ROBO1: variants seen among roughly 807,000 people sequenced by gnomAD.
ROBO1 encodes roundabout homolog 1.
Under a neutral mutation model 195.9 loss-of-function variants are expected in ROBO1, and 149 were observed. The ratio of observed to expected loss-of-function variants is 0.76; its 90% CI spans 0.67 to 0.87. ROBO1 has a LOEUF of 0.87. Among genes scored for constraint, ROBO1 ranks in the 40% least tolerant of loss-of-function variants. ROBO1 has a pLI of 0.00. For synonymous variants in ROBO1, 816 were observed against 733.2 expected (o/e 1.11, Z -1.82); for missense variants, 1,933 against 2,068.3 (o/e 0.93, Z 1.27).
intron 1 of ROBO1, among the ~76,000 whole-genome samples, chr3:79,596,350 G>A (rs1944169580): frequency 6.6e-6 from 1 of 152,006 alleles, no homozygotes; most frequent in Non-Finnish European, 1.5e-5. Context: ...AAATAAAGGG[G>A]ATTAAGTTGG....
chr3:79,316,680 TAAGA>T (rs2033751256), intron 2 of ROBO1, among the ~76,000 whole-genome samples: 1 of 152,116 alleles, frequency 6.6e-6, no homozygotes, highest in Non-Finnish European at 1.5e-5. Flanking sequence ...GTAAATGGGT[TAAGA>T]AAAATATAAT....
chr3:78,765,445 A>G (rs2083206881), intron 4 of ROBO1, among the ~76,000 whole-genome samples: 1 of 152,130 alleles, frequency 6.6e-6, no homozygotes, highest in African/African-American at 2.4e-5. Context: ...CAACATATAT[A>G]GCAACCTCAG....
intron 3 of ROBO1, among the ~76,000 whole-genome samples, chr3:79,080,293 C>T (rs2108459818): frequency 6.6e-6 from 1 of 151,760 alleles, no homozygotes; most frequent in Non-Finnish European, 1.5e-5. Context: ...TTTAGTAATT[C>T]ACTACTCATA....
intron 2 of ROBO1, among the ~76,000 whole-genome samples, chr3:79,373,477 G>A (rs2109346103): frequency 6.6e-6 from 1 of 152,250 alleles, no homozygotes; most frequent in Admixed American, 6.5e-5. Flanking sequence ...CTTCACAAAT[G>A]TTTCTCTATT....
chr3:78,783,036 G>A (rs932155058), intron 4 of ROBO1, among the ~76,000 whole-genome samples: 2 of 152,060 alleles, frequency 1.3e-5, no homozygotes, highest in African/African-American at 2.4e-5. Context: ...AAAGAACAAA[G>A]GAATAATAGA....
In ROBO1 at chr3:78,962,485, T is replaced by C. The variant is rs1420646232; in HGVS notation, c.173-23558A>G. Among the ~76,000 whole-genome samples, 3 of 150,452 alleles carry C rather than the reference T, an allele frequency of 2.0e-5. 1 individual carries two copies. The highest frequency in any genetic ancestry group is 4.2e-4 in the South Asian group (2 of 4,782). On this transcript the variant is annotated intron_variant, in intron 3 of 30. Transcript: ENST00000464233. ...AAACTGTAAACTCCGGGGTCTGCCA[T>C]CCTTCCCTGGTACTGTCAGAGAACA...
At chr3:78,931,040 C>CA (rs2039494489) in intron 4 of ROBO1, among the ~76,000 whole-genome samples, 1 of 152,012 alleles carries the variant, frequency 6.6e-6, no homozygotes, top group Non-Finnish European at 1.5e-5. Flanking sequence ...TCTCACCTCC[C>CA]ATTGTCCTGG....
chr3:79,535,380 A>ATG (rs1941817693), intron 2 of ROBO1, among the ~76,000 whole-genome samples: 1 of 152,170 alleles, frequency 6.6e-6, no homozygotes, highest in South Asian at 2.1e-4. Flanking sequence ...CAATTAGGAC[A>ATG]CCATTTTTTA....
chr3:79,673,265 T>A (rs1946682607), intron 1 of ROBO1, among the ~76,000 whole-genome samples: 1 of 151,962 alleles, frequency 6.6e-6, no homozygotes, highest in Non-Finnish European at 1.5e-5. Context: ...CAGTAACAAT[T>A]TTTATAAATT....
chr3:78,912,476 T>A (rs1437111269), intron 4 of ROBO1, among the ~76,000 whole-genome samples: 1 of 152,118 alleles, frequency 6.6e-6, no homozygotes, highest in Non-Finnish European at 1.5e-5. Flanking sequence ...TGTACCCATA[T>A]GTCCTTTAAT....
chr3:78,662,755 G>C (rs1451054247), intron 14 of ROBO1, among the ~76,000 whole-genome samples: 4 of 152,116 alleles, frequency 2.6e-5, no homozygotes, highest in Non-Finnish European at 5.9e-5. Flanking sequence ...TTTAATTGAT[G>C]ATCCTTTAGT....
intron 2 of ROBO1, among the ~76,000 whole-genome samples, chr3:79,416,335 A>T (rs937814483): frequency 6.6e-6 from 1 of 151,556 alleles, no homozygotes; most frequent in Non-Finnish European, 1.5e-5. Flanking sequence ...GCAGGGTGCT[A>T]TGTCGCATGC....
At chr3:78,860,841 A>T (rs1320301075) in intron 4 of ROBO1, among the ~76,000 whole-genome samples, 1 of 152,108 alleles carries the variant, frequency 6.6e-6, no homozygotes, top group Non-Finnish European at 1.5e-5. Flanking sequence ...CCGAAATTCT[A>T]TCTTCAGTTA....
rs1427906564 is a variant in ROBO1, at chr3:79,587,537, G to A, written c.88+2287C>T. 2.0e-5 allele frequency among the ~76,000 whole-genome samples: 3 copies of A among 151,562 alleles called. No individual in the cohort carries two copies. In the East Asian group the frequency reaches 5.8e-4, roughly 29 times the overall value. On this transcript the variant is annotated intron_variant, in intron 2 of 30. Transcript: ENST00000464233. ...ATTTGTCTGATTTCCTTATCTGATT[G>A]TTTATTATTAGAAATACATTTCTGA...
At chr3:78,913,202 T>C (rs1280031373) in intron 4 of ROBO1, among the ~76,000 whole-genome samples, 1 of 152,166 alleles carries the variant, frequency 6.6e-6, no homozygotes, top group Non-Finnish European at 1.5e-5. Context: ...AATGAATTTA[T>C]ATACTTGGCC....
At chr3:79,166,112 A>G (rs1199365043) in intron 2 of ROBO1, among the ~76,000 whole-genome samples, 1 of 152,176 alleles carries the variant, frequency 6.6e-6, no homozygotes. Flanking sequence ...CTACTATTGC[A>G]ATGTGTCTTC....
At chr3:78,679,174 C>T (rs976819982) in intron 10 of ROBO1, among the ~76,000 whole-genome samples, 47 of 151,764 alleles carry the variant, frequency 3.1e-4, no homozygotes, top group African/African-American at 1.1e-3. Context: ...TGGGACGTAT[C>T]TCAAAATAAT....
chr3:79,392,322 G>T (rs1309494908), intron 2 of ROBO1, among the ~76,000 whole-genome samples: 1 of 152,302 alleles, frequency 6.6e-6, no homozygotes. Context: ...GAAGATTAAA[G>T]CTTGCAGAAC....
At chr3:79,755,060 A>C (rs372622602) in intron 1 of ROBO1, among the ~76,000 whole-genome samples, 8 of 151,834 alleles carry the variant, frequency 5.3e-5, no homozygotes, top group South Asian at 2.1e-4. Flanking sequence ...TTGTATTTTT[A>C]GTAGAAACGG....
Sources: gnomAD v4.1 joint callset for allele counts (sites outside exome capture counted in the v4.1 genomes callset) on GRCh38, gnomAD v4.1.1 for gene constraint, MANE v1.5 for transcripts, NCBI Gene and HGNC (gene_info 2026-07-23, HGNC 2026-07-21) for gene names.